The following PDE11A variants were observed in gnomAD, a reference collection of about 807,000 sequenced individuals.
The protein encoded by PDE11A is dual 3',5'-cyclic-AMP and -GMP phosphodiesterase 11A.
Under a neutral mutation model 100.5 loss-of-function variants are expected in PDE11A, and 100 were observed. The observed-to-expected ratio is 1.00, with a 90% confidence interval of 0.85 to 1.18. The LOEUF is 1.18. Ranked by LOEUF, PDE11A falls within the 50% of genes most tolerant of loss-of-function variation. The pLI, the probability that PDE11A is intolerant of heterozygous loss-of-function variation, is 0.00. For synonymous variants in PDE11A, 381 were observed against 420.8 expected, an observed-to-expected ratio of 0.91 and a Z score of 1.16; for missense variants, 1,141 against 1,152.6, an observed-to-expected ratio of 0.99 and a Z score of 0.15.
chr2:177,823,683 A>C (rs779770800), intron 6 of PDE11A, among the ~76,000 whole-genome samples: 7 of 152,186 alleles, frequency 4.6e-5, no homozygotes, highest in Non-Finnish European at 7.3e-5. Flanking sequence ...CCTAAGGATA[A>C]AATCTGAATT....
intron 19 of PDE11A, among the ~76,000 whole-genome samples, chr2:177,660,077 TTC>T (rs1184922017): frequency 3.0e-5 from 1 of 33,360 alleles, no homozygotes; most frequent in South Asian, 1.4e-3. Context: ...CTTTCTTTCT[TTC>T]TTTCTTTCTT....
chr2:177,934,696 C>T (rs114041407), intron 2 of PDE11A, among the ~76,000 whole-genome samples: 1,734 of 152,288 alleles, frequency 0.011, 27 homozygotes, highest in East Asian at 0.074. Flanking sequence ...GCATGTTCAT[C>T]ACAGCACTGT....
chr2:178,042,922 G>C (rs960158517), intron 1 of PDE11A, among the ~76,000 whole-genome samples: 1 of 152,182 alleles, frequency 6.6e-6, no homozygotes, highest in Admixed American at 6.5e-5. Context: ...TCATTAGAGA[G>C]AATGGTGGGA....
intron 2 of PDE11A, among the ~76,000 whole-genome samples, chr2:178,099,446 G>GAAAAAA (rs201692711): frequency 4.7e-5 from 4 of 84,544 alleles, no homozygotes; most frequent in African/African-American, 1.3e-4. Flanking sequence ...CATCTCAAGA[G>GAAAAAA]AAAAAAAAAA....
intron 2 of PDE11A, among the ~76,000 whole-genome samples, chr2:177,967,743 G>A (rs1226314801): frequency 2.0e-5 from 3 of 151,912 alleles, no homozygotes; most frequent in African/African-American, 7.3e-5. Context: ...AACTATACTA[G>A]TCACTTTCTC....
At chr2:178,017,339 C>A (rs1403655232) in intron 1 of PDE11A, among the ~76,000 whole-genome samples, 3 of 152,272 alleles carry the variant, frequency 2.0e-5, no homozygotes, top group Middle Eastern at 6.8e-3. Flanking sequence ...AAATTATGAT[C>A]TTGTGGTTTG....
intron 9 of PDE11A, among the ~76,000 whole-genome samples, chr2:177,772,742 T>C (rs970202810): frequency 6.6e-6 from 1 of 151,546 alleles, no homozygotes; most frequent in African/African-American, 2.4e-5. Flanking sequence ...TTTACTCCAC[T>C]AAATTGAAAC....
At chr2:177,829,572 T>C (rs10930812) in intron 6 of PDE11A, among the ~76,000 whole-genome samples, 60,422 of 151,032 alleles carry the variant, frequency 0.4, 14,937 homozygotes, top group East Asian at 0.61. Flanking sequence ...GCCTCCTGAG[T>C]AGTTGGGACT....
intron 2 of PDE11A, among the ~76,000 whole-genome samples, chr2:178,078,899 A>C (rs1028910846): frequency 2.6e-5 from 4 of 152,228 alleles, no homozygotes; most frequent in African/African-American, 9.6e-5. Flanking sequence ...CTCAAGGAAC[A>C]TGTACAGTAT....
chr2:177,776,998 T>C (rs1405789247), intron 9 of PDE11A, among the ~76,000 whole-genome samples: 1 of 152,096 alleles, frequency 6.6e-6, no homozygotes, highest in Non-Finnish European at 1.5e-5. Flanking sequence ...TTTTCCCCCT[T>C]TTGCTCGGCA....
At chr2:177,651,635 T>C (rs75645873) in intron 19 of PDE11A, among the ~76,000 whole-genome samples, 6,518 of 151,588 alleles carry the variant, frequency 0.043, 142 homozygotes, top group East Asian at 0.076. Flanking sequence ...TCTTTTTTTT[T>C]CTCCCTCCTG....
chr2:177,649,575 T>C (rs978454851), intron 19 of PDE11A, among the ~76,000 whole-genome samples: 1 of 152,218 alleles, frequency 6.6e-6, no homozygotes, highest in Non-Finnish European at 1.5e-5. Flanking sequence ...CACTTACACA[T>C]AGATACATAT....
chr2:177,861,398 A>G (rs76623524), intron 5 of PDE11A, among the ~76,000 whole-genome samples: 2 of 151,990 alleles, frequency 1.3e-5, no homozygotes, highest in Admixed American at 6.6e-5. Flanking sequence ...ACTTAAAACT[A>G]CAAAACATTG....
intron 10 of PDE11A, among the ~76,000 whole-genome samples, chr2:177,730,744 T>C (rs1284947974): frequency 6.6e-6 from 1 of 152,198 alleles, no homozygotes; most frequent in Non-Finnish European, 1.5e-5. Context: ...ATGACAATTC[T>C]ATTTGTCATT....
chr2:177,863,566 C>T (rs1156688785), intron 5 of PDE11A, among the ~76,000 whole-genome samples: 1 of 151,944 alleles, frequency 6.6e-6, no homozygotes, highest in Non-Finnish European at 1.5e-5. Flanking sequence ...AAATGGCCAA[C>T]AGGTACATCA....
chr2:177,672,676 C>T (rs948303490), intron 17 of PDE11A, among the ~76,000 whole-genome samples: 5 of 152,102 alleles, frequency 3.3e-5, no homozygotes, highest in Non-Finnish European at 7.3e-5. Context: ...TGATGATTGC[C>T]ATTGACTGTT....
chr2:177,757,057 T>C (rs2082099811), intron 10 of PDE11A, among the ~76,000 whole-genome samples: 1 of 152,176 alleles, frequency 6.6e-6, no homozygotes, highest in Non-Finnish European at 1.5e-5. Context: ...CCCACCCATA[T>C]CTCAATTTCT....
intron 2 of PDE11A, among the ~76,000 whole-genome samples, chr2:177,945,474 C>T (rs2085401591): frequency 6.8e-6 from 1 of 146,030 alleles, no homozygotes; most frequent in Admixed American, 6.7e-5. Flanking sequence ...GCCCCGCCGC[C>T]CCATCTGGGA....
intron 10 of PDE11A, among the ~76,000 whole-genome samples, chr2:177,741,582 G>T (rs1045694687): frequency 1.3e-5 from 2 of 152,176 alleles, no homozygotes; most frequent in Non-Finnish European, 2.9e-5. Flanking sequence ...CCTTTAAAGT[G>T]TCCTGATTAC....
Sources: allele counts gnomAD v4.1 joint callset (sites outside exome capture counted in the v4.1 genomes callset), GRCh38; gene constraint gnomAD v4.1.1; transcripts MANE v1.5; gene names NCBI Gene and HGNC (gene_info 2026-07-23, HGNC 2026-07-21).